NOL4: variants seen among roughly 807,000 people sequenced by gnomAD.
NOL4 encodes the protein nucleolar protein 4.
NOL4 carries 17 observed loss-of-function variants against 75.9 expected under a neutral mutation model. That is an observed-to-expected ratio of 0.22 (90% CI 0.15 to 0.34). NOL4 has a LOEUF of 0.34. Among genes scored for constraint, NOL4 ranks in the 10% least tolerant of loss-of-function variants. NOL4 has a pLI of 1.00. For missense variants in NOL4, 614 were observed against 793.5 expected, an observed-to-expected ratio of 0.77 and a Z score of 2.72; for synonymous variants, 292 against 289.9, an observed-to-expected ratio of 1.01 and a Z score of -0.07.
intron 2 of NOL4, chr18:34,121,275 A>G (rs896492739): frequency 5.9e-5 from 9 of 152,130 alleles, no homozygotes; most frequent in Non-Finnish European, 1.2e-4. Flanking sequence ...ATTTTTCCTG[A>G]AGAGTATGTG....
At position 33,883,109 on chromosome 18, in the gene NOL4, T is replaced by A. The variant is rs1242557882; in HGVS notation, c.1723+135A>T. 5.4e-6 allele frequency: 3 copies of A among 555,398 alleles called. No homozygotes were observed. The East Asian group carries it at 9.9e-5, about 18-fold the overall frequency. 34.4% of individuals were successfully genotyped at this position (555,398 alleles called of 1,614,324 possible). On this transcript the variant is annotated intron_variant, in intron 10 of 10. Transcript: ENST00000261592. ...ATTGGGAGATATCCCTAATGCTAGA[T>A]GATGAGTTAGTGGGTGCAGCGCACC...
At chr18:34,139,986 G>A (rs2081071971) in intron 1 of NOL4, among the ~76,000 whole-genome samples, 1 of 152,174 alleles carries the variant, frequency 6.6e-6, no homozygotes, top group Admixed American at 6.6e-5. Context: ...TAGTTGAGCA[G>A]TTTTAAGTGA....
intron 6 of NOL4, chr18:34,001,630 A>G (rs890962786): frequency 6.6e-6 from 1 of 152,114 alleles, no homozygotes; most frequent in Non-Finnish European, 1.5e-5. Context: ...AGCAGACACA[A>G]TGAACTTTCT....
rs764551127 is a variant in NOL4 at position 34,105,155 on chromosome 18, T to C, written c.420A>G (p.Ser140=). 6.3e-7 allele frequency: 1 copy of C among 1,594,818 alleles called. No homozygotes were observed. Among genetic ancestry groups the C allele is most frequent in the East Asian group, 2.2e-5 (1 of 44,708 alleles). ...AGQKRTYKAI[S]ESYAFLPREA... Reference sequence around the variant, plus strand: ...CTCTTGGTAGGAAGGCATAGCTCTCTGAAATCTGAAATGATTCACAAAATA... The same window carrying C: ...CTCTTGGTAGGAAGGCATAGCTCTCCGAAATCTGAAATGATTCACAAAATA... The change falls in exon 3 of 11, where the codon TCA becomes TCG. Residue 140 remains serine (S), a synonymous_variant. Transcript: ENST00000261592.
At chr18:33,999,588 T>C (rs1006035318) in intron 6 of NOL4, among the ~76,000 whole-genome samples, 2 of 152,018 alleles carry the variant, frequency 1.3e-5, no homozygotes, top group Non-Finnish European at 2.9e-5. Flanking sequence ...ATGATGCTGA[T>C]AATTTTGAGC....
At chr18:33,887,162 A>C (rs2064787027) in intron 9 of NOL4, among the ~76,000 whole-genome samples, 1 of 145,452 alleles carries the variant, frequency 6.9e-6, no homozygotes, top group Non-Finnish European at 1.5e-5. Flanking sequence ...ATATGTGTAT[A>C]TATATATAGA....
intron 10 of NOL4, among the ~76,000 whole-genome samples, chr18:33,863,224 G>A (rs1222012200): frequency 2.7e-5 from 4 of 150,902 alleles, no homozygotes; most frequent in Non-Finnish European, 5.9e-5. Context: ...TGAACAATGA[G>A]AACACATGGA....
intron 1 of NOL4, among the ~76,000 whole-genome samples, chr18:34,191,564 G>T (rs1000891197): frequency 1.3e-5 from 2 of 152,000 alleles, no homozygotes; most frequent in African/African-American, 4.8e-5. Context: ...TCTCTCTGTT[G>T]TTTGCAATAT....
At chr18:34,212,579 G>A (rs760891314) in intron 1 of NOL4, among the ~76,000 whole-genome samples, 8 of 152,212 alleles carry the variant, frequency 5.3e-5, no homozygotes, top group Non-Finnish European at 1.2e-4. Context: ...AGACTGGCAT[G>A]TTTTAACTGG....
At chr18:33,899,090 T>C (rs1256779267) in intron 9 of NOL4, among the ~76,000 whole-genome samples, 2 of 152,130 alleles carry the variant, frequency 1.3e-5, no homozygotes, top group African/African-American at 4.8e-5. Flanking sequence ...AAGATGATAA[T>C]ACTCCCTTCC....
chr18:34,131,397 G>A (rs1482152742), intron 1 of NOL4, among the ~76,000 whole-genome samples: 2 of 152,058 alleles, frequency 1.3e-5, no homozygotes, highest in East Asian at 1.9e-4. Flanking sequence ...GAAATCACAT[G>A]TTAGGTCAAA....
At chr18:34,185,812 T>C (rs535181922) in intron 1 of NOL4, among the ~76,000 whole-genome samples, 1 of 152,290 alleles carries the variant, frequency 6.6e-6, no homozygotes, top group African/African-American at 2.4e-5. Flanking sequence ...ACGTATCTCC[T>C]ACTTCACCAA....
At chr18:34,096,168 A>G (rs192893653) in intron 4 of NOL4, among the ~76,000 whole-genome samples, 2 of 152,134 alleles carry the variant, frequency 1.3e-5, no homozygotes, top group Admixed American at 6.5e-5. Flanking sequence ...TAAAATGTTT[A>G]TGTAACCAAA....
At position 34,118,505 on chromosome 18, in the gene NOL4, G is replaced by C. The variant is rs185955622; in HGVS notation, c.414+11366C>G. Among the ~76,000 whole-genome samples, 499 of 152,296 alleles carry C rather than the reference G, an allele frequency of 3.3e-3. 5 individuals carry two copies. Among genetic ancestry groups the C allele is most frequent in the African/African-American group, 0.012 (481 of 41,570 alleles). On this transcript the variant is annotated intron_variant, in intron 2 of 10. Transcript: ENST00000261592. ...ATGTTATTAAAAGCCTGTGTGTCCT[G>C]ATTCATAAACATATAGAACACCAAA... is the stretch of plus-strand genomic sequence containing the variant.
At chr18:33,987,854 A>C (rs2072585423) in intron 6 of NOL4, among the ~76,000 whole-genome samples, 1 of 152,016 alleles carries the variant, frequency 6.6e-6, no homozygotes, top group Admixed American at 6.6e-5. Flanking sequence ...GGAGACTTGG[A>C]GCCACCCTGA....
chr18:33,865,364 T>C (rs928652298), intron 10 of NOL4, among the ~76,000 whole-genome samples: 7 of 152,160 alleles, frequency 4.6e-5, no homozygotes, highest in African/African-American at 1.2e-4. Context: ...ATATTTGTTA[T>C]ACTGTATGTT....
chr18:33,981,618 A>G (rs949262818), intron 6 of NOL4, among the ~76,000 whole-genome samples: 7 of 152,084 alleles, frequency 4.6e-5, no homozygotes, highest in African/African-American at 1.7e-4. Context: ...ATACTTTCTG[A>G]GACTAAAAAA....
intron 6 of NOL4, among the ~76,000 whole-genome samples, chr18:33,963,150 C>A (rs921821154): frequency 1.3e-5 from 2 of 152,120 alleles, no homozygotes; most frequent in Non-Finnish European, 2.9e-5. Flanking sequence ...ACTGTGAAGC[C>A]AAGTTACTTA....
chr18:33,856,767 T>A (rs754292759), intron 10 of NOL4, among the ~76,000 whole-genome samples: 1 of 152,106 alleles, frequency 6.6e-6, no homozygotes, highest in Non-Finnish European at 1.5e-5. Flanking sequence ...ATTAATAATA[T>A]GCAGGTACTT....
Sources: gnomAD v4.1 joint callset for allele counts (sites outside exome capture counted in the v4.1 genomes callset) on GRCh38, gnomAD v4.1.1 for gene constraint, MANE v1.5 for transcripts, NCBI Gene and HGNC (gene_info 2026-07-23, HGNC 2026-07-21) for gene names.